KCNJ3: variants seen among roughly 807,000 people sequenced by gnomAD.
The protein encoded by KCNJ3 is potassium inwardly rectifying channel subfamily J member 3, also known as G protein-activated inward rectifier potassium channel 1.
A neutral mutation model predicts 39.2 loss-of-function variants in KCNJ3; 4 were observed. That is an observed-to-expected ratio of 0.10 (90% CI 0.05 to 0.23). The LOEUF (loss-of-function observed/expected upper bound fraction) is 0.23, where lower values mean the gene tolerates loss of function less well. Among genes scored for constraint, KCNJ3 ranks in the 10% least tolerant of loss-of-function variants. The pLI, the probability that KCNJ3 is intolerant of heterozygous loss-of-function variation, is 1.00. For missense variants in KCNJ3, 276 were observed against 634.9 expected (o/e 0.43, Z 6.08); for synonymous variants, 230 against 237.4 (o/e 0.97, Z 0.29).
chr2:154,845,995 TG>T (rs1271753887), intron 2 of KCNJ3, among the ~76,000 whole-genome samples: 2 of 151,988 alleles, frequency 1.3e-5, no homozygotes, highest in Non-Finnish European at 2.9e-5. Context: ...GAAGTGAATT[TG>T]GCAAAGTCTG....
intron 2 of KCNJ3, among the ~76,000 whole-genome samples, chr2:154,733,865 A>G (rs1377721364): frequency 6.6e-6 from 1 of 152,082 alleles, no homozygotes; most frequent in Non-Finnish European, 1.5e-5. Context: ...AAGAGGAGAA[A>G]TCCTAGTCAC....
chr2:154,703,610 A>G (rs1468909803), intron 1 of KCNJ3, among the ~76,000 whole-genome samples: 1 of 151,976 alleles, frequency 6.6e-6, no homozygotes, highest in East Asian at 1.9e-4. Context: ...TGGTGGTCTG[A>G]AAGACCATAT....
At chr2:154,701,394 A>G (rs928167060) in intron 1 of KCNJ3, among the ~76,000 whole-genome samples, 1 of 151,722 alleles carries the variant, frequency 6.6e-6, no homozygotes, top group Non-Finnish European at 1.5e-5. Context: ...TTTCCAGACA[A>G]CATATTTTTG....
chr2:154,784,646 G>T (rs1187253918), intron 2 of KCNJ3, among the ~76,000 whole-genome samples: 1 of 152,144 alleles, frequency 6.6e-6, no homozygotes, highest in Non-Finnish European at 1.5e-5. Context: ...CTCCCAAAGT[G>T]CTGGGATTAT....
At position 154,823,044 on chromosome 2, in the gene KCNJ3, G is replaced by A. The variant is rs186333100; in HGVS notation, c.920-31683G>A. Among the ~76,000 whole-genome samples the A allele has an allele frequency of 3.7e-3, 564 of 151,798 alleles. 4 individuals carry two copies. The highest frequency in any genetic ancestry group is 0.013 in the African/African-American group (521 of 41,458). ...AATCTGATATTTTTATAACATGAAG[G>A]ATATTCTTTTTATGAAGAGTACATG... On this transcript the variant is annotated intron_variant, in intron 2 of 2. Coordinates refer to ENST00000295101, the MANE Select transcript of KCNJ3 (RefSeq NM_002239.4).
chr2:154,776,568 C>T (rs1487574425), intron 2 of KCNJ3, among the ~76,000 whole-genome samples: 1 of 151,924 alleles, frequency 6.6e-6, no homozygotes, highest in East Asian at 1.9e-4. Context: ...CTTACCATTC[C>T]TGAAATTGTC....
intron 2 of KCNJ3, among the ~76,000 whole-genome samples, chr2:154,815,956 C>T (rs1163757144): frequency 1.3e-5 from 2 of 152,136 alleles, no homozygotes; most frequent in Admixed American, 6.6e-5. Context: ...AAATGTGTGT[C>T]CCACCATAGT....
intron 2 of KCNJ3, among the ~76,000 whole-genome samples, chr2:154,754,503 G>A (rs572581756): frequency 3.3e-5 from 5 of 152,128 alleles, no homozygotes; most frequent in South Asian, 2.1e-4. Context: ...TCAAACTCCC[G>A]ACCTCCGGCA....
At chr2:154,741,950 T>C (rs1476519102) in intron 2 of KCNJ3, among the ~76,000 whole-genome samples, 1 of 151,864 alleles carries the variant, frequency 6.6e-6, no homozygotes, top group Non-Finnish European at 1.5e-5. Context: ...ACATTCATAA[T>C]GTCGTGCAAT....
At chr2:154,759,677 G>C (rs886758831) in intron 2 of KCNJ3, among the ~76,000 whole-genome samples, 1 of 151,892 alleles carries the variant, frequency 6.6e-6, no homozygotes, top group Non-Finnish European at 1.5e-5. Flanking sequence ...TCAAATCCAT[G>C]TATTGATTTT....
At chr2:154,745,848 T>C (rs1685730839) in intron 2 of KCNJ3, among the ~76,000 whole-genome samples, 1 of 152,016 alleles carries the variant, frequency 6.6e-6, no homozygotes. Context: ...AGTACCACAT[T>C]GTAACTGCCA....
chr2:154,836,184 TAGGTGAC>T (rs1416886289), intron 2 of KCNJ3, among the ~76,000 whole-genome samples: 1 of 137,018 alleles, frequency 7.3e-6, no homozygotes, highest in Admixed American at 8.0e-5. Context: ...CACCCCAGCC[TAGGTGAC>T]AGAGCAAGAC....
chr2:154,829,809 A>G (rs1293291889), intron 2 of KCNJ3, among the ~76,000 whole-genome samples: 3 of 152,138 alleles, frequency 2.0e-5, no homozygotes, highest in Non-Finnish European at 4.4e-5. Context: ...TCTTATTATC[A>G]ATTAATAATA....
chr2:154,709,828 A>T lies in KCNJ3; in HGVS notation c.919+9A>T. 1 of 1,613,382 alleles carries T rather than the reference A, an allele frequency of 6.2e-7. No individual in the cohort carries two copies. On this transcript the variant is annotated intron_variant, in intron 2 of 2. Coordinates refer to ENST00000295101, the MANE Select transcript of KCNJ3 (RefSeq NM_002239.4). ...CATTGTGGAAACAACTGGTGAGTAAAAACAGATATGCCATAAAGTTTCTTT... is the reference window on the plus strand; with the variant it reads ...CATTGTGGAAACAACTGGTGAGTAATAACAGATATGCCATAAAGTTTCTTT...
At chr2:154,854,459 TG>T (rs1475207216) in intron 2 of KCNJ3, among the ~76,000 whole-genome samples, 12 of 152,326 alleles carry the variant, frequency 7.9e-5, no homozygotes, top group African/African-American at 2.9e-4. Flanking sequence ...ATGCTACTTT[TG>T]CTTTTGGTTT....
Position 154,857,662 on chromosome 2 carries a change from C to G in KCNJ3, c.*2349C>G, listed in dbSNP as rs897253767. On this transcript the variant is annotated 3_prime_UTR_variant, in exon 3 of 3. Transcript: ENST00000295101. ...TTGGGAGGCGGAGGTTGGGGGATCA[C>G]CTGAGGTCAGGAGATCGAGACCAGC... 6.6e-6 allele frequency: 1 copy of G among 151,986 alleles called. No individual in the cohort carries two copies. The highest frequency in any genetic ancestry group is 2.1e-4 in the South Asian group (1 of 4,812). The allele number at this position is 151,986 out of a possible 1,614,324, so 9.4% of individuals were successfully genotyped here.
intron 2 of KCNJ3, among the ~76,000 whole-genome samples, chr2:154,768,445 T>A (rs1396580916): frequency 1.3e-5 from 2 of 152,208 alleles, no homozygotes; most frequent in African/African-American, 2.4e-5. Flanking sequence ...AAATAGGGAA[T>A]CCTTTTCCCA....
chr2:154,698,809 T>C lies in KCNJ3; in HGVS notation c.34T>C (p.Tyr12His). Reference sequence around the variant, plus strand: ...ACTCCGAAGGAAATTTGGGGACGATTATCAGGTAGTGACCACATCGTCCAG... The same window carrying C: ...ACTCCGAAGGAAATTTGGGGACGATCATCAGGTAGTGACCACATCGTCCAG... ...SALRRKFGDD[Y>H]QVVTTSSSGS... is the part of the protein sequence containing the mutation. The change falls in exon 1 of 3, where the codon TAT (tyrosine) becomes CAT (histidine). Residue 12 changes from tyrosine to histidine, a missense_variant. Transcript: ENST00000295101. 6.2e-7 allele frequency: 1 copy of C among 1,612,102 alleles called. No homozygotes were observed. Among genetic ancestry groups the C allele is most frequent in the Non-Finnish European group, 8.5e-7 (1 of 1,178,394 alleles).
At chr2:154,825,247 C>A (rs930853049) in intron 2 of KCNJ3, among the ~76,000 whole-genome samples, 2 of 152,034 alleles carry the variant, frequency 1.3e-5, no homozygotes, top group Non-Finnish European at 2.9e-5. Flanking sequence ...ACCTCATGCT[C>A]AGGGTGAATG....
Sources: gnomAD v4.1 joint callset for allele counts (sites outside exome capture counted in the v4.1 genomes callset) on GRCh38, gnomAD v4.1.1 for gene constraint, MANE v1.5 for transcripts, NCBI Gene and HGNC (gene_info 2026-07-23, HGNC 2026-07-21) for gene names.